The following EYS variants were observed in gnomAD, a reference collection of about 807,000 sequenced individuals.
EYS encodes the protein protein eyes shut homolog.
In EYS, 250 loss-of-function variants were observed where a neutral mutation model predicts 282.1. That is an observed-to-expected ratio of 0.89 (90% CI 0.80 to 0.98). The LOEUF (loss-of-function observed/expected upper bound fraction) is 0.98, where lower values mean the gene tolerates loss of function less well. Ranked by LOEUF, EYS falls within the 50% of genes least tolerant of loss-of-function variation. The pLI is 0.00. For missense variants in EYS, 4,016 were observed against 3,709.0 expected (o/e 1.08, Z -2.15); for synonymous variants, 1,355 against 1,282.9 (o/e 1.06, Z -1.20).
intron 26 of EYS, among the ~76,000 whole-genome samples, chr6:64,546,182 C>A (rs1288720637): frequency 2.0e-5 from 3 of 152,008 alleles, no homozygotes; most frequent in Admixed American, 2.0e-4. Flanking sequence ...AGATATAGAC[C>A]AATGGAACAG....
At chr6:63,942,029 G>A (rs142609980) in intron 35 of EYS, among the ~76,000 whole-genome samples, 77 of 152,288 alleles carry the variant, frequency 5.1e-4, no homozygotes, top group African/African-American at 1.8e-3. Flanking sequence ...TGTTGCAGTA[G>A]TCTACTTGTA....
chr6:64,695,157 G>T (rs749381858), intron 22 of EYS, among the ~76,000 whole-genome samples: 2 of 152,012 alleles, frequency 1.3e-5, no homozygotes, highest in Non-Finnish European at 1.5e-5. Context: ...TAGAGGCAGA[G>T]CATAGGACTG....
chr6:64,989,424 T>TATATATATGA (rs1770977503), intron 14 of EYS, among the ~76,000 whole-genome samples: 1 of 114,192 alleles, frequency 8.8e-6, no homozygotes, highest in Non-Finnish European at 1.8e-5. Context: ...TATGAATATA[T>TATATATATGA]ATGAGAAACA....
intron 36 of EYS, among the ~76,000 whole-genome samples, chr6:63,839,782 T>C (rs539484538): frequency 6.6e-6 from 1 of 152,316 alleles, no homozygotes; most frequent in South Asian, 2.1e-4. Context: ...TTTTAGTTTT[T>C]TGAGGACCCT....
intron 31 of EYS, among the ~76,000 whole-genome samples, chr6:64,095,929 A>G (rs940230248): frequency 2.6e-5 from 4 of 152,098 alleles, no homozygotes; most frequent in African/African-American, 9.7e-5. Flanking sequence ...TTCCTTCAGG[A>G]GCTCTTTTAG....
intron 5 of EYS, among the ~76,000 whole-genome samples, chr6:65,441,375 C>T (rs931933766): frequency 2.0e-5 from 3 of 151,652 alleles, no homozygotes; most frequent in Admixed American, 6.6e-5. Flanking sequence ...GTTCTATTTA[C>T]GAATGTTCAT....
chr6:64,346,491 G>C (rs891510911), intron 29 of EYS, among the ~76,000 whole-genome samples: 3 of 150,916 alleles, frequency 2.0e-5, no homozygotes, highest in Admixed American at 6.6e-5. Context: ...TCTTAAGTGG[G>C]AATTGAACAA....
intron 30 of EYS, among the ~76,000 whole-genome samples, chr6:64,233,620 TA>T (rs1766496391): frequency 6.6e-6 from 1 of 152,198 alleles, no homozygotes; most frequent in South Asian, 2.1e-4. Context: ...TAGAAAATAG[TA>T]AGTGTGAAAA....
At chr6:63,874,399 CTTGTAGTACCG>C (rs1772906846) in intron 35 of EYS, among the ~76,000 whole-genome samples, 1 of 152,172 alleles carries the variant, frequency 6.6e-6, no homozygotes, top group African/African-American at 2.4e-5. Flanking sequence ...TTACCATAGC[CTTGTAGTACCG>C]TTTGAAGTCA....
chr6:65,695,991 A>G (rs1769441874), intron 1 of EYS, among the ~76,000 whole-genome samples: 1 of 152,000 alleles, frequency 6.6e-6, no homozygotes, highest in Non-Finnish European at 1.5e-5. Flanking sequence ...GAAATCCCAG[A>G]ATTCAGCTGG....
At chr6:64,193,769 C>T (rs997637114) in intron 31 of EYS, among the ~76,000 whole-genome samples, 6 of 152,000 alleles carry the variant, frequency 3.9e-5, no homozygotes, top group African/African-American at 1.2e-4. Context: ...TCTGTCCTTG[C>T]GTTAGTTTGC....
At chr6:65,507,742 C>G (rs9345644) in intron 2 of EYS, among the ~76,000 whole-genome samples, 114,156 of 152,074 alleles carry the variant, frequency 0.75, 43,729 homozygotes, top group African/African-American at 0.9. Context: ...TATCAATGGT[C>G]TTTATTTCTA....
intron 35 of EYS, among the ~76,000 whole-genome samples, chr6:63,906,926 G>C (rs1457281945): frequency 9.2e-5 from 14 of 152,008 alleles, no homozygotes; most frequent in Middle Eastern, 3.5e-3. Context: ...AAAGGACCTG[G>C]AGGGGAGCAA....
intron 26 of EYS, among the ~76,000 whole-genome samples, chr6:64,471,296 T>C (rs1776114946): frequency 6.6e-6 from 1 of 152,060 alleles, no homozygotes; most frequent in African/African-American, 2.4e-5. Flanking sequence ...AAAGAGGAAG[T>C]CAAATTGTCT....
intron 31 of EYS, among the ~76,000 whole-genome samples, chr6:64,181,103 C>G (rs534591011): frequency 3.0e-4 from 46 of 152,066 alleles, no homozygotes; most frequent in African/African-American, 1.1e-3. Flanking sequence ...TTGAAGGAGA[C>G]AAGGAATAAC....
chr6:64,767,349 C>T (rs1407772410), intron 22 of EYS, among the ~76,000 whole-genome samples: 1 of 152,072 alleles, frequency 6.6e-6, no homozygotes, highest in Non-Finnish European at 1.5e-5. Flanking sequence ...CCCTGCAGTG[C>T]TACAGAATGC....
At chr6:65,081,038 G>T (rs1160283070) in intron 12 of EYS, among the ~76,000 whole-genome samples, 3 of 152,018 alleles carry the variant, frequency 2.0e-5, no homozygotes, top group East Asian at 1.9e-4. Context: ...CTTAAAGCAG[G>T]CCTCACAGCT....
intron 35 of EYS, among the ~76,000 whole-genome samples, chr6:63,941,203 A>G (rs1765229376): frequency 6.6e-6 from 1 of 152,158 alleles, no homozygotes; most frequent in African/African-American, 2.4e-5. Flanking sequence ...ATACCCAGTA[A>G]TGGGATGGCT....
Position 65,690,836 on chromosome 6 carries a change from G to A in EYS, c.-448+16299C>T, listed in dbSNP as rs1004177784. On this transcript the variant is annotated intron_variant, in intron 1 of 42. Coordinates refer to ENST00000503581, the MANE Select transcript of EYS (RefSeq NM_001142800.2). ...TTATGAGTGAGAACATGTGGTGTTC[G>A]GTTTTCTGTTCTTGTGTTAGTTTGC... Among the ~76,000 whole-genome samples, 6 of 149,690 alleles carry A rather than the reference G, an allele frequency of 4.0e-5. 1 individual carries two copies. The East Asian group carries it at 9.3e-4, about 23-fold the overall frequency.
Sources: allele counts gnomAD v4.1 joint callset (sites outside exome capture counted in the v4.1 genomes callset), GRCh38; gene constraint gnomAD v4.1.1; transcripts MANE v1.5; gene names NCBI Gene and HGNC (gene_info 2026-07-23, HGNC 2026-07-21).